RAB28: variants seen among roughly 807,000 people sequenced by gnomAD.
The protein encoded by RAB28 is RAB28, member RAS oncogene family.
Under a neutral mutation model 31.7 loss-of-function variants are expected in RAB28, and 24 were observed. The ratio of observed to expected loss-of-function variants is 0.76; its 90% CI spans 0.55 to 1.06. The LOEUF is 1.06. Ranked by LOEUF, RAB28 falls within the 50% of genes least tolerant of loss-of-function variation. RAB28 has a pLI of 0.00. For synonymous variants in RAB28, 100 were observed against 90.4 expected (o/e 1.11, Z -0.60); for missense variants, 254 against 258.5 (o/e 0.98, Z 0.12).
At chr4:13,447,525 A>T (rs1047354480) in intron 4 of RAB28, among the ~76,000 whole-genome samples, 1 of 152,230 alleles carries the variant, frequency 6.6e-6, no homozygotes, top group African/African-American at 2.4e-5. Flanking sequence ...TTACACTGCA[A>T]AACTACACAT....
At chr4:13,394,558 A>C (rs1729788542) in intron 4 of RAB28, among the ~76,000 whole-genome samples, 1 of 152,134 alleles carries the variant, frequency 6.6e-6, no homozygotes, top group Non-Finnish European at 1.5e-5. Context: ...CCCTGATCTA[A>C]AGGGTAAGAA....
chr4:13,474,049 A>C (rs1716237627), intron 3 of RAB28: 2 of 552,632 alleles, frequency 3.6e-6, no homozygotes, highest in Non-Finnish European at 6.8e-6. Context: ...TTATCACTGC[A>C]TTTATTGAAC....
intron 4 of RAB28, among the ~76,000 whole-genome samples, chr4:13,410,244 G>C (rs1472626188): frequency 6.6e-6 from 1 of 151,998 alleles, no homozygotes; most frequent in Non-Finnish European, 1.5e-5. Flanking sequence ...GTCTAATATA[G>C]TATCCCCATG....
intron 4 of RAB28, among the ~76,000 whole-genome samples, chr4:13,420,052 C>T (rs1713034659): frequency 6.6e-6 from 1 of 151,938 alleles, no homozygotes; most frequent in African/African-American, 2.4e-5. Context: ...CAAATAGATG[C>T]AATAAAAAAT....
At chr4:13,372,819 C>A (rs1213039427) in intron 6 of RAB28, among the ~76,000 whole-genome samples, 1 of 151,892 alleles carries the variant, frequency 6.6e-6, no homozygotes, top group African/African-American at 2.4e-5. Context: ...TTGTACTGTA[C>A]AATAATATGC....
At chr4:13,369,902 G>GTTC in intron 6 of RAB28, 1 of 1,612,194 alleles carries the variant, frequency 6.2e-7, no homozygotes, top group African/African-American at 1.3e-5. Flanking sequence ...ATTCTACTCT[G>GTTC]AGTAGAGGTG....
intron 4 of RAB28, among the ~76,000 whole-genome samples, chr4:13,444,396 G>A (rs1214954230): frequency 1.3e-5 from 2 of 151,662 alleles, no homozygotes; most frequent in African/African-American, 4.9e-5. Flanking sequence ...ATATATATAT[G>A]CGCCACATTT....
intron 4 of RAB28, among the ~76,000 whole-genome samples, chr4:13,420,109 T>C (rs1045946189): frequency 6.6e-6 from 1 of 152,070 alleles, no homozygotes; most frequent in African/African-American, 2.4e-5. Flanking sequence ...TAAACTACCA[T>C]CGGAGAATAC....
At chr4:13,403,920 C>A (rs911924671) in intron 4 of RAB28, among the ~76,000 whole-genome samples, 2 of 152,046 alleles carry the variant, frequency 1.3e-5, no homozygotes, top group Non-Finnish European at 2.9e-5. Context: ...TTTTTAAATT[C>A]CCATAAAAAT....
intron 4 of RAB28, among the ~76,000 whole-genome samples, chr4:13,403,529 G>A (rs1424191092): frequency 6.6e-6 from 1 of 152,140 alleles, no homozygotes; most frequent in Non-Finnish European, 1.5e-5. Context: ...GCTAACTTCA[G>A]CAGTTTTATT....
intron 4 of RAB28, among the ~76,000 whole-genome samples, chr4:13,441,195 T>TA (rs1714395011): frequency 6.6e-6 from 1 of 152,212 alleles, no homozygotes. Flanking sequence ...GTTAAATAGT[T>TA]ACATAAAGTT....
At chr4:13,476,812 T>A (rs1407377195) in intron 2 of RAB28, among the ~76,000 whole-genome samples, 1 of 151,480 alleles carries the variant, frequency 6.6e-6, no homozygotes, top group Non-Finnish European at 1.5e-5. Flanking sequence ...AGAAATCTAA[T>A]CCCAAACACA....
chr4:13,455,469 T>C (rs1577230889), intron 4 of RAB28, among the ~76,000 whole-genome samples: 1 of 152,090 alleles, frequency 6.6e-6, no homozygotes, highest in East Asian at 1.9e-4. Context: ...GAGGCTGTGG[T>C]GTTCAGCCAC....
intron 3 of RAB28, chr4:13,473,760 T>C: frequency 3.3e-6 from 1 of 307,352 alleles, no homozygotes; most frequent in Non-Finnish European, 6.4e-6. Flanking sequence ...TTTCTTGCTC[T>C]ACATGGATTT....
At chr4:13,444,825 T>A (rs1714614210) in intron 4 of RAB28, among the ~76,000 whole-genome samples, 1 of 152,104 alleles carries the variant, frequency 6.6e-6, no homozygotes, top group Non-Finnish European at 1.5e-5. Context: ...CTAAATATAT[T>A]CCCCAACTTT....
chr4:13,431,069 G>A (rs946614179), intron 4 of RAB28, among the ~76,000 whole-genome samples: 4 of 152,144 alleles, frequency 2.6e-5, no homozygotes, highest in Admixed American at 6.5e-5. Flanking sequence ...TAGCTCCACC[G>A]TCAGCCCATG....
chr4:13,443,675 T>C (rs1156630527), intron 4 of RAB28, among the ~76,000 whole-genome samples: 1 of 152,202 alleles, frequency 6.6e-6, no homozygotes, highest in Non-Finnish European at 1.5e-5. Flanking sequence ...ATCATACTTG[T>C]CATTTTTTGT....
At chr4:13,410,535 A>T (rs544741189) in intron 4 of RAB28, among the ~76,000 whole-genome samples, 18 of 152,260 alleles carry the variant, frequency 1.2e-4, no homozygotes, top group South Asian at 6.2e-4. Flanking sequence ...GAGCTGCAAA[A>T]AAATAAATAA....
intron 4 of RAB28, among the ~76,000 whole-genome samples, chr4:13,399,808 G>T (rs1711642091): frequency 1.3e-5 from 2 of 151,092 alleles, no homozygotes; most frequent in African/African-American, 2.4e-5. Flanking sequence ...CAGTTATTTT[G>T]TGTTACACAC....
Sources: gnomAD v4.1 joint callset for allele counts (sites outside exome capture counted in the v4.1 genomes callset) on GRCh38, gnomAD v4.1.1 for gene constraint, MANE v1.5 for transcripts, NCBI Gene and HGNC (gene_info 2026-07-23, HGNC 2026-07-21) for gene names.